The following LEKR1 variants were observed in gnomAD, a reference collection of about 807,000 sequenced individuals.
The protein encoded by LEKR1 is protein LEKR1.
Under a neutral mutation model 72.4 loss-of-function variants are expected in LEKR1, and 59 were observed. The observed-to-expected ratio is 0.82, with a 90% CI of 0.66 to 1.01. The LOEUF (loss-of-function observed/expected upper bound fraction) is 1.01, where lower values mean the gene tolerates loss of function less well. Ranked by LOEUF, LEKR1 falls within the 50% of genes least tolerant of loss-of-function variation. The pLI is 0.00. For synonymous variants in LEKR1, 257 were observed against 263.2 expected (o/e 0.98, Z 0.23); for missense variants, 728 against 759.2 (o/e 0.96, Z 0.48).
At chr3:156,889,975 C>T (rs964459787) in intron 3 of LEKR1, among the ~76,000 whole-genome samples, 1 of 152,134 alleles carries the variant, frequency 6.6e-6, no homozygotes, top group Non-Finnish European at 1.5e-5. Flanking sequence ...CTTGTTTTGT[C>T]GCCTTGTTTG....
chr3:156,923,257 T>C (rs1054000984), intron 4 of LEKR1, among the ~76,000 whole-genome samples: 1 of 152,218 alleles, frequency 6.6e-6, no homozygotes, highest in African/African-American at 2.4e-5. Context: ...GCTATTAGAT[T>C]GGCAACCACA....
At position 156,840,483 on chromosome 3, in the gene LEKR1, G is replaced by A. The variant is rs13062136; in HGVS notation, c.48+11106G>A. Among the ~76,000 whole-genome samples the A allele has an allele frequency of 8.4e-3, 1,285 of 152,316 alleles. 10 individuals are homozygous for A. The highest frequency in any genetic ancestry group is 0.013 in the Non-Finnish European group (872 of 68,028). ...TGAAAAAGATTGACTTAAATTGTGAGTTATAACCTCAAACTTTATCATCAA... is the reference window on the plus strand; with the variant it reads ...TGAAAAAGATTGACTTAAATTGTGAATTATAACCTCAAACTTTATCATCAA... On this transcript the variant is annotated intron_variant, in intron 2 of 12. Coordinates refer to ENST00000356539, the MANE Select transcript of LEKR1 (RefSeq NM_001004316.3).
At chr3:156,833,380 A>G (rs191755175) in intron 2 of LEKR1, among the ~76,000 whole-genome samples, 1 of 152,312 alleles carries the variant, frequency 6.6e-6, no homozygotes, top group East Asian at 1.9e-4. Context: ...ATCAAAGTAA[A>G]AATAACTGTG....
At chr3:156,922,955 G>C (rs1199707110) in intron 4 of LEKR1, among the ~76,000 whole-genome samples, 2 of 152,036 alleles carry the variant, frequency 1.3e-5, no homozygotes, top group Non-Finnish European at 2.9e-5. Context: ...TGTAAAGCTA[G>C]ACCTTATCAT....
At chr3:156,878,088 T>G (rs560608795) in intron 3 of LEKR1, among the ~76,000 whole-genome samples, 1 of 152,192 alleles carries the variant, frequency 6.6e-6, no homozygotes, top group Admixed American at 6.5e-5. Context: ...CCAGCCTCAT[T>G]TATCTTTTTT....
chr3:156,860,009 C>T (rs541727581), intron 3 of LEKR1, among the ~76,000 whole-genome samples: 35 of 152,252 alleles, frequency 2.3e-4, no homozygotes, highest in Non-Finnish European at 4.9e-4. Flanking sequence ...AATAAGAAAA[C>T]TCATGGATTT....
intron 6 of LEKR1, among the ~76,000 whole-genome samples, chr3:156,957,204 A>G (rs529973247): frequency 3.3e-5 from 5 of 152,198 alleles, no homozygotes; most frequent in Non-Finnish European, 5.9e-5. Flanking sequence ...GCCAACATTT[A>G]GGACATTACG....
At chr3:156,867,604 C>T (rs544105339) in intron 3 of LEKR1, among the ~76,000 whole-genome samples, 7 of 152,050 alleles carry the variant, frequency 4.6e-5, no homozygotes, top group East Asian at 1.9e-4. Flanking sequence ...TTGTTACCTC[C>T]GGTTACTCCA....
At chr3:156,859,317 T>G (rs1716473071) in intron 3 of LEKR1, among the ~76,000 whole-genome samples, 1 of 152,222 alleles carries the variant, frequency 6.6e-6, no homozygotes, top group African/African-American at 2.4e-5. Flanking sequence ...TTTTAGATTT[T>G]ATATGTTTTG....
chr3:156,979,468 T>C, intron 7 of LEKR1, 193 bp downstream of exon 7: 1 of 241,390 alleles, frequency 4.1e-6, no homozygotes, highest in Non-Finnish European at 8.4e-6. Context: ...CTAGATTATA[T>C]ATTGAAGAAC....
At chr3:156,923,447 T>C (rs949441518) in intron 4 of LEKR1, among the ~76,000 whole-genome samples, 3 of 152,228 alleles carry the variant, frequency 2.0e-5, no homozygotes, top group Admixed American at 6.5e-5. Flanking sequence ...TCTTTACATC[T>C]GGCTTTTACT....
chr3:156,979,716 A>C (rs1457817777), intron 7 of LEKR1: 3 of 152,724 alleles, frequency 2.0e-5, no homozygotes, highest in Admixed American at 1.3e-4. Flanking sequence ...GAAATGCTGA[A>C]GTACTTATGC....
chr3:156,887,632 A>G (rs1720243456), intron 3 of LEKR1, among the ~76,000 whole-genome samples: 3 of 142,566 alleles, frequency 2.1e-5, no homozygotes, highest in Non-Finnish European at 4.9e-5. Context: ...ATTGCTCAGG[A>G]GAGAGAGCAA....
chr3:156,892,973 G>C (rs1720811690), intron 3 of LEKR1, among the ~76,000 whole-genome samples: 10 of 152,132 alleles, frequency 6.6e-5, no homozygotes. Flanking sequence ...TCGTTATCTG[G>C]CATGTTTCTC....
chr3:156,958,599 C>G (rs545794464), intron 6 of LEKR1, among the ~76,000 whole-genome samples: 8 of 152,224 alleles, frequency 5.3e-5, no homozygotes, highest in South Asian at 4.1e-4. Flanking sequence ...TCACTAGCTT[C>G]TAACCACAAT....
rs545449625 is a variant in LEKR1, at chr3:156,940,598, T to C, written c.560-1931T>C. On this transcript the variant is annotated intron_variant, in intron 5 of 12. Transcript: ENST00000356539. The stretch of plus-strand genomic sequence containing the variant: ...CAGGATTGCCATAGGCAAAGGAGTG[T>C]TTATTTTGCAAAAGGTAAGTTAATT... 2.0e-5 allele frequency among the ~76,000 whole-genome samples: 3 copies of C among 152,282 alleles called. No homozygotes were observed. The South Asian group carries it at 6.2e-4, about 32-fold the overall frequency.
chr3:156,970,779 C>T (rs948976410), intron 6 of LEKR1, among the ~76,000 whole-genome samples: 7 of 152,114 alleles, frequency 4.6e-5, no homozygotes, highest in East Asian at 1.9e-4. Flanking sequence ...ATCCAACTTA[C>T]AAGGGATGTG....
At chr3:156,920,993 G>A in intron 4 of LEKR1, 2 of 182,428 alleles carry the variant, frequency 1.1e-5, no homozygotes, top group Non-Finnish European at 2.2e-5. Context: ...AATATTTCTT[G>A]GTGTATTTGA....
intron 12 of LEKR1, among the ~76,000 whole-genome samples, chr3:157,030,948 CCA>C (rs1212789609): frequency 6.6e-6 from 1 of 152,128 alleles, no homozygotes; most frequent in Non-Finnish European, 1.5e-5. Context: ...AAGACAGAAG[CCA>C]CAGTCTTTTT....
Sources: gnomAD v4.1 joint callset for allele counts (sites outside exome capture counted in the v4.1 genomes callset) on GRCh38, gnomAD v4.1.1 for gene constraint, MANE v1.5 for transcripts, NCBI Gene and HGNC (gene_info 2026-07-23, HGNC 2026-07-21) for gene names.